Variants in DLGAP1 observed in about 807,000 individuals in gnomAD.
DLGAP1 encodes the protein DLG associated protein 1, also known as disks large-associated protein 1.
A neutral mutation model predicts 90.8 loss-of-function variants in DLGAP1; 11 were observed. That is an observed-to-expected ratio of 0.12 (90% CI 0.08 to 0.20). The LOEUF (loss-of-function observed/expected upper bound fraction) is 0.20, where lower values mean the gene tolerates loss of function less well. Ranked by LOEUF, DLGAP1 falls within the 10% of genes least tolerant of loss-of-function variation. DLGAP1 has a pLI of 1.00. For missense variants in DLGAP1, 1,050 were observed against 1,333.8 expected, an observed-to-expected ratio of 0.79 and a Z score of 3.31; for synonymous variants, 558 against 540.7, an observed-to-expected ratio of 1.03 and a Z score of -0.44.
intron 1 of DLGAP1, among the ~76,000 whole-genome samples, chr18:4,205,475 T>C (rs1313521732): frequency 6.6e-6 from 1 of 152,228 alleles, no homozygotes; most frequent in South Asian, 2.1e-4. Context: ...TATCTACCTG[T>C]GGCCATTTAC....
At chr18:3,895,302 CACACA>C (rs2071590217) in intron 3 of DLGAP1, among the ~76,000 whole-genome samples, 2 of 150,932 alleles carry the variant, frequency 1.3e-5, no homozygotes, top group Admixed American at 6.6e-5. Context: ...CACACACACA[CACACA>C]CACACACACA....
intron 7 of DLGAP1, among the ~76,000 whole-genome samples, chr18:3,664,718 T>C (rs1045304908): frequency 1.3e-5 from 2 of 152,190 alleles, no homozygotes; most frequent in African/African-American, 4.8e-5. Context: ...TACCCCTAGA[T>C]GGTAAACTCC....
chr18:3,512,788 T>G (rs552588402), intron 10 of DLGAP1, among the ~76,000 whole-genome samples: 27 of 152,348 alleles, frequency 1.8e-4, no homozygotes, highest in Admixed American at 1.6e-3. Flanking sequence ...CTCTCTTCTC[T>G]CTAACACTCG....
At chr18:4,249,000 C>A (rs1181328665) in intron 1 of DLGAP1, among the ~76,000 whole-genome samples, 1 of 152,200 alleles carries the variant, frequency 6.6e-6, no homozygotes, top group Admixed American at 6.5e-5. Context: ...CCACATAGGG[C>A]ACTTGTGCAT....
intron 7 of DLGAP1, among the ~76,000 whole-genome samples, chr18:3,684,539 T>C (rs1223743949): frequency 1.3e-5 from 2 of 152,116 alleles, no homozygotes; most frequent in Admixed American, 6.6e-5. Context: ...TGAAAATTAG[T>C]GATCTTCCAC....
chr18:3,721,480 T>A (rs144727157), intron 7 of DLGAP1: 1 of 152,208 alleles, frequency 6.6e-6, no homozygotes, highest in Non-Finnish European at 1.5e-5. Context: ...TTTCTTTTCA[T>A]AGGCTTTTAA....
chr18:4,275,107 T>C (rs1489684418), intron 1 of DLGAP1, among the ~76,000 whole-genome samples: 1 of 152,360 alleles, frequency 6.6e-6, no homozygotes, highest in Non-Finnish European at 1.5e-5. Flanking sequence ...CTGTACTTAC[T>C]AGTAATGAGA....
Position 4,238,787 on chromosome 18 carries a change from T to C in DLGAP1, c.-266-87500A>G, listed in dbSNP as rs968354188. Reference sequence around the variant, plus strand: ...CATATTATTAGAAATGGGTGCCCTTTAGGCAAAGATCTCTCCAAGAGTAAT... The same window carrying C: ...CATATTATTAGAAATGGGTGCCCTTCAGGCAAAGATCTCTCCAAGAGTAAT... On this transcript the variant is annotated intron_variant, in intron 1 of 12. Transcript: ENST00000315677. 1.1e-3 allele frequency among the ~76,000 whole-genome samples: 170 copies of C among 152,318 alleles called. 2 individuals are homozygous for C. Among genetic ancestry groups the C allele is most frequent in the African/African-American group, 4.0e-3 (166 of 41,574 alleles).
chr18:4,394,071 G>T (rs1236494523), intron 1 of DLGAP1, among the ~76,000 whole-genome samples: 1 of 152,082 alleles, frequency 6.6e-6, no homozygotes, highest in Non-Finnish European at 1.5e-5. Context: ...ATACGTAGAA[G>T]GTATGTAATA....
At position 4,366,493 on chromosome 18, in the gene DLGAP1, A is replaced by G. The variant is rs77055113; in HGVS notation, c.-267+88513T>C. ...TAGGGAGTGAAAAATCTTAGACACT[A>G]TCATGATCTGTGGCCTTCCTAGGGC... On this transcript the variant is annotated intron_variant, in intron 1 of 12. Coordinates refer to ENST00000315677, the MANE Select transcript of DLGAP1 (RefSeq NM_004746.4). Among the ~76,000 whole-genome samples, 507 of 152,228 alleles carry G rather than the reference A, an allele frequency of 3.3e-3. 3 individuals carry two copies. The highest frequency in any genetic ancestry group is 0.011 in the African/African-American group (477 of 41,552).
At chr18:3,611,586 C>T (rs919870981) in intron 7 of DLGAP1, among the ~76,000 whole-genome samples, 11 of 152,170 alleles carry the variant, frequency 7.2e-5, no homozygotes, top group East Asian at 5.8e-4. Flanking sequence ...CCTCCCACCT[C>T]GAAATTACAT....
chr18:4,405,430 AAAAAACATATTTCCTT>A (rs1362421906), intron 1 of DLGAP1, among the ~76,000 whole-genome samples: 2 of 152,194 alleles, frequency 1.3e-5, no homozygotes, highest in Non-Finnish European at 2.9e-5. Flanking sequence ...AAGGGAGAAA[AAAAAACATATTTCCTT>A]AACTCCAGCA....
At chr18:3,541,056 C>T (rs2052666065) in intron 9 of DLGAP1, among the ~76,000 whole-genome samples, 1 of 152,170 alleles carries the variant, frequency 6.6e-6, no homozygotes, top group Non-Finnish European at 1.5e-5. Flanking sequence ...TTTACCTCCG[C>T]AACTGGAAGG....
At chr18:4,218,058 C>T (rs1443030986) in intron 1 of DLGAP1, among the ~76,000 whole-genome samples, 2 of 150,928 alleles carry the variant, frequency 1.3e-5, no homozygotes, top group Non-Finnish European at 3.0e-5. Flanking sequence ...ATTTACATGT[C>T]TGTCTACGAT....
At chr18:4,222,884 A>G (rs2078107314) in intron 1 of DLGAP1, among the ~76,000 whole-genome samples, 1 of 152,160 alleles carries the variant, frequency 6.6e-6, no homozygotes, top group Admixed American at 6.6e-5. Flanking sequence ...AAAATGTAGA[A>G]AGAAAATAAG....
At chr18:4,402,780 C>T (rs1254481546) in intron 1 of DLGAP1, among the ~76,000 whole-genome samples, 2 of 152,140 alleles carry the variant, frequency 1.3e-5, no homozygotes, top group African/African-American at 2.4e-5. Context: ...TAGCCAGCAG[C>T]AAATGGAGTC....
chr18:4,009,689 A>G (rs2074379117), intron 2 of DLGAP1, among the ~76,000 whole-genome samples: 1 of 152,226 alleles, frequency 6.6e-6, no homozygotes, highest in Non-Finnish European at 1.5e-5. Flanking sequence ...TTGCATAATA[A>G]CAAACGGAAG....
At chr18:3,567,852 C>G (rs1401680393) in intron 8 of DLGAP1, among the ~76,000 whole-genome samples, 4 of 152,026 alleles carry the variant, frequency 2.6e-5, no homozygotes, top group Non-Finnish European at 4.4e-5. Flanking sequence ...ACTTAAGTAT[C>G]TTACTGTAAA....
intron 3 of DLGAP1, among the ~76,000 whole-genome samples, chr18:3,928,376 C>T (rs2072440464): frequency 6.6e-6 from 1 of 152,060 alleles, no homozygotes; most frequent in South Asian, 2.1e-4. Flanking sequence ...AGTAATTATG[C>T]TGAAAGTTCA....
Sources: allele counts gnomAD v4.1 joint callset (sites outside exome capture counted in the v4.1 genomes callset), GRCh38; gene constraint gnomAD v4.1.1; transcripts MANE v1.5; gene names NCBI Gene and HGNC (gene_info 2026-07-23, HGNC 2026-07-21).